The following PTGER3 variants were observed in gnomAD, a reference collection of about 807,000 sequenced individuals.
PTGER3 encodes the protein prostaglandin E receptor 3, also known as prostaglandin E2 receptor EP3 subtype.
PTGER3 carries 22 observed loss-of-function variants against 34.7 expected under a neutral mutation model. The ratio of observed to expected loss-of-function variants is 0.63; its 90% confidence interval spans 0.45 to 0.91. The LOEUF is 0.91. PTGER3 is among the 40% of genes least tolerant of loss of function. The probability of loss-of-function intolerance (pLI) is 0.00; values close to 1 mark genes in which losing one functional copy is unlikely to be tolerated. For missense variants in PTGER3, 468 were observed against 519.4 expected (o/e 0.90, Z 0.96); for synonymous variants, 241 against 230.1 (o/e 1.05, Z -0.43).
At chr1:70,941,743 A>AAT (rs1475313301) in intron 4 of PTGER3, among the ~76,000 whole-genome samples, 2 of 152,110 alleles carry the variant, frequency 1.3e-5, no homozygotes, top group East Asian at 3.9e-4. Context: ...ATATCACTGG[A>AAT]ATCTGTTTTG....
intron 2 of PTGER3, among the ~76,000 whole-genome samples, chr1:70,999,197 A>G (rs1187556970): frequency 8.5e-5 from 13 of 152,206 alleles, no homozygotes; most frequent in Admixed American, 8.5e-4. Flanking sequence ...GATAAACATC[A>G]AGATGTACAA....
At chr1:71,018,193 T>G (rs1658085613) in intron 1 of PTGER3, among the ~76,000 whole-genome samples, 1 of 152,128 alleles carries the variant, frequency 6.6e-6, no homozygotes, top group Non-Finnish European at 1.5e-5. Flanking sequence ...TTAAGAGGAA[T>G]AGAAGGAATG....
At chr1:70,931,696 A>G (rs1389887201) in intron 4 of PTGER3, among the ~76,000 whole-genome samples, 16 of 152,182 alleles carry the variant, frequency 1.1e-4, no homozygotes, top group Non-Finnish European at 1.5e-5. Flanking sequence ...TGGCTGGAAC[A>G]GCTTGGATGC....
In PTGER3 at chr1:71,047,701, CG is replaced by C. The variant is rs1409119259; in HGVS notation, c.-125del. The C allele has an allele frequency of 8.8e-7, 1 of 1,138,302 alleles. No homozygotes were observed. The highest frequency in any genetic ancestry group is 3.8e-5 in the Admixed American group (1 of 26,412). 70.5% of individuals were successfully genotyped at this position (1,138,302 alleles called of 1,614,324 possible). Reference sequence around the variant, plus strand: ...TGGGGCTGGGCTGCCCCCCATGGTGCGGGGCGCAGCCGCCGCCCTACTCCGC... The same window carrying C: ...TGGGGCTGGGCTGCCCCCCATGGTGCGGGCGCAGCCGCCGCCCTACTCCGC... On this transcript the variant is annotated 5_prime_UTR_variant, in exon 1 of 4. Transcript: ENST00000306666.
At chr1:70,857,466 T>G (rs891000948) in intron 4 of PTGER3, among the ~76,000 whole-genome samples, 2 of 152,118 alleles carry the variant, frequency 1.3e-5, no homozygotes, top group African/African-American at 4.8e-5. Context: ...AAGATTTTTT[T>G]GTTCTTAGTT....
intron 4 of PTGER3, among the ~76,000 whole-genome samples, chr1:70,881,961 C>T (rs35980659): frequency 0.2 from 30,156 of 152,168 alleles, 3,582 homozygotes; most frequent in Admixed American, 0.35. Flanking sequence ...AATTGCCCAC[C>T]CTGCCATCTG....
At chr1:71,020,334 A>G (rs1658293606) in intron 1 of PTGER3, among the ~76,000 whole-genome samples, 1 of 152,244 alleles carries the variant, frequency 6.6e-6, no homozygotes, top group African/African-American at 2.4e-5. Flanking sequence ...TTTTAAAACA[A>G]CAATGGATTA....
intron 4 of PTGER3, among the ~76,000 whole-genome samples, chr1:70,868,052 C>A (rs1353798807): frequency 6.6e-6 from 1 of 152,124 alleles, no homozygotes; most frequent in Non-Finnish European, 1.5e-5. Flanking sequence ...AACTCCTAAG[C>A]AAAACATACA....
At chr1:70,967,385 G>T (rs191601649), downstream of PTGER3, among the ~76,000 whole-genome samples, 8 of 151,994 alleles carry the variant, frequency 5.3e-5, no homozygotes, top group Admixed American at 4.6e-4. Context: ...TTTAAGTCCT[G>T]CCCACAATAG....
intron 4 of PTGER3, among the ~76,000 whole-genome samples, chr1:70,902,843 G>T (rs1646868406): frequency 6.6e-6 from 1 of 152,100 alleles, no homozygotes; most frequent in Non-Finnish European, 1.5e-5. Context: ...ATCAGAGAGG[G>T]GGATATTGAG....
At chr1:70,986,039 CT>C (rs890186929) in intron 2 of PTGER3, among the ~76,000 whole-genome samples, 2 of 152,128 alleles carry the variant, frequency 1.3e-5, no homozygotes, top group African/African-American at 4.8e-5. Flanking sequence ...AGTAAAGAAG[CT>C]GGCCAAAACC....
At chr1:70,903,749 G>A (rs957496088) in intron 4 of PTGER3, among the ~76,000 whole-genome samples, 3 of 152,102 alleles carry the variant, frequency 2.0e-5, no homozygotes, top group East Asian at 1.9e-4. Flanking sequence ...GAACCAAAAG[G>A]GATCACAATT....
chr1:71,006,570 CTG>C, intron 2 of PTGER3: 3 of 982,232 alleles, frequency 3.1e-6, no homozygotes, highest in Non-Finnish European at 3.6e-6. Context: ...TAAATGCACT[CTG>C]TGTTAAGAAC....
intron 2 of PTGER3, among the ~76,000 whole-genome samples, chr1:70,990,534 T>C (rs1256851360): frequency 6.6e-6 from 1 of 151,722 alleles, no homozygotes; most frequent in Non-Finnish European, 1.5e-5. Context: ...TGTATGTACA[T>C]GTATATATAT....
intron 4 of PTGER3, among the ~76,000 whole-genome samples, chr1:70,938,733 G>T (rs770122825): frequency 2.0e-5 from 3 of 152,120 alleles, no homozygotes; most frequent in Admixed American, 2.0e-4. Flanking sequence ...GATCTCATGA[G>T]ATTTATTCAC....
At chr1:70,865,756 C>A in intron 4 of PTGER3, 1 of 1,367,088 alleles carries the variant, frequency 7.3e-7, no homozygotes, top group Non-Finnish European at 9.8e-7. Flanking sequence ...CGGGAAAGGA[C>A]AAATCCAAGA....
chr1:70,925,040 T>G (rs549506258), intron 4 of PTGER3, among the ~76,000 whole-genome samples: 1 of 152,324 alleles, frequency 6.6e-6, no homozygotes, highest in South Asian at 2.1e-4. Flanking sequence ...GTATTGTTTC[T>G]GTCACCCAGT....
chr1:70,918,011 G>A (rs1300854445), intron 4 of PTGER3, among the ~76,000 whole-genome samples: 1 of 151,844 alleles, frequency 6.6e-6, no homozygotes, highest in African/African-American at 2.4e-5. Flanking sequence ...TTCTCCCATA[G>A]TAACTAAACA....
intron 2 of PTGER3, among the ~76,000 whole-genome samples, chr1:70,994,257 T>C (rs1285187384): frequency 6.6e-6 from 1 of 152,184 alleles, no homozygotes; most frequent in African/African-American, 2.4e-5. Context: ...CCACTAAGAC[T>C]AGTAGTTCAT....
Sources: allele counts gnomAD v4.1 joint callset (sites outside exome capture counted in the v4.1 genomes callset), GRCh38; gene constraint gnomAD v4.1.1; transcripts MANE v1.5; gene names NCBI Gene and HGNC (gene_info 2026-07-23, HGNC 2026-07-21).